Variants in HELZ2 observed in about 807,000 individuals in gnomAD.
HELZ2 encodes 3'-5' exoribonuclease HELZ2.
HELZ2 carries 143 observed loss-of-function variants against 208.8 expected under a neutral mutation model. That is an observed-to-expected ratio of 0.68 (90% CI 0.60 to 0.79). The LOEUF (loss-of-function observed/expected upper bound fraction) is 0.79. HELZ2 is among the 30% of genes least tolerant of loss of function. The pLI is 0.00. For missense variants in HELZ2, 3,690 were observed against 3,794.5 expected (o/e 0.97, Z 0.72); for synonymous variants, 1,705 against 1,693.7 (o/e 1.01, Z -0.16).
exon 1 of HELZ2, chr20:63,572,379 C>A: frequency 2.6e-6 from 4 of 1,532,440 alleles, no homozygotes; most frequent in Non-Finnish European, 3.5e-6. Context: ...GCCTCCCACA[C>A]AGCCATCTCC....
At chr20:63,560,065 G>A in exon 18 of HELZ2, 1 of 1,608,058 alleles carries the variant, frequency 6.2e-7, no homozygotes, top group South Asian at 1.1e-5. Flanking sequence ...GGTGCGGACG[G>A]TGCTCACCAG....
Position 63,561,291 on chromosome 20 carries a change from T to C in HELZ2, c.6954-17A>G, listed in dbSNP as rs769279354. ...TTCTTGTACCTGCCGGGGACACTGC[T>C]TGTCACCCCAGGGCCCCCATGCTGC... On this transcript the variant is annotated splice_polypyrimidine_tract_variant and intron_variant, in intron 13 of 18. Coordinates refer to ENST00000467148, the Ensembl canonical transcript of HELZ2. The C allele has an allele frequency of 6.8e-6, 11 of 1,612,386 alleles. No homozygotes were observed. The highest frequency in any genetic ancestry group is 9.3e-6 in the Non-Finnish European group (11 of 1,179,632).
downstream of HELZ2, chr20:63,558,667 T>C (rs1318511139): frequency 6.6e-6 from 1 of 152,280 alleles, no homozygotes; most frequent in African/African-American, 2.4e-5. Context: ...GCCTCCCAAG[T>C]AGCTGGGATT....
exon 8 of HELZ2, chr20:63,564,793 G>GTCC (rs2082931549): frequency 1.2e-6 from 2 of 1,610,142 alleles, no homozygotes; most frequent in Admixed American, 3.3e-5. Context: ...GGTCCACAGT[G>GTCC]AAGGTCAAGA....
exon 17 of HELZ2, chr20:63,560,177 T>C (rs1405360040): frequency 7.2e-7 from 1 of 1,395,682 alleles, no homozygotes; most frequent in South Asian, 1.2e-5. Flanking sequence ...TCACCCTGGC[T>C]CTTGGTGATG....
chr20:63,574,074 C>A (rs867248895), upstream of HELZ2: 3 of 144,452 alleles, frequency 2.1e-5, no homozygotes, highest in Non-Finnish European at 4.6e-5. Flanking sequence ...CTCCCGGACC[C>A]CCCCCTCCGC....
In HELZ2 at chr20:63,569,301, G is replaced by A. The variant is rs199657132; in HGVS notation, c.935C>T (p.Thr312Met). The change falls in exon 4 of 19, where the codon ACG becomes ATG. Residue 312 changes from threonine (T) to methionine (M), a missense_variant. Around this residue, in one of 3 missense-constraint regions of HELZ2, gnomAD observed 1,119 missense variants for 1,193.4 expected, o/e 0.94. Coordinates refer to ENST00000467148, the Ensembl canonical transcript of HELZ2. ...GCCCTTGTACTTGGCCATCAGGGCCGTCTGCTCGGCCGTCCGCTCCACGCC... is the reference window on the plus strand; with the variant it reads ...GCCCTTGTACTTGGCCATCAGGGCCATCTGCTCGGCCGTCCGCTCCACGCC... The A allele has an allele frequency of 3.2e-5, 51 of 1,575,882 alleles. 1 individual carries two copies. The Admixed American group carries it at 4.6e-4, about 14-fold the overall frequency.
At chr20:63,566,814 C>T (rs375114476) in intron 6 of HELZ2, 30 bp downstream of exon 7, 7 of 1,559,998 alleles carry the variant, frequency 4.5e-6, no homozygotes, top group Admixed American at 3.4e-5. Flanking sequence ...GGGGTGCGGT[C>T]GGGGGCTGTC....
In HELZ2 at chr20:63,560,161, C is replaced by T; in HGVS notation, c.7657+10G>A. On this transcript the variant is annotated intron_variant, in intron 17 of 18. Coordinates refer to ENST00000467148, the Ensembl canonical transcript of HELZ2. ...CCCTCCCGGCCCCACCCACGAGCCC[C>T]CAGCCTCACCCTGGCTCTTGGTGAT... is the stretch of plus-strand genomic sequence containing the variant. 1 of 1,552,052 alleles carries T rather than the reference C, an allele frequency of 6.4e-7. No homozygotes were observed. Among genetic ancestry groups the T allele is most frequent in the South Asian group, 1.2e-5 (1 of 85,276 alleles).
At chr20:63,571,003 C>A (rs2083011142) in intron 1 of HELZ2, 135 bp from the exon 3 acceptor site, 2 of 686,600 alleles carry the variant, frequency 2.9e-6, no homozygotes, top group East Asian at 5.5e-5. Flanking sequence ...CTCCTGTGCT[C>A]CCGGGACAAG....
chr20:63,567,913 A>C, intron 5 of HELZ2: 1 of 597,970 alleles, frequency 1.7e-6, no homozygotes, highest in Non-Finnish European at 2.9e-6. Flanking sequence ...CCCGGGACGT[A>C]TGGCCACTGT....
exon 8 of HELZ2, chr20:63,564,821 C>T (rs891024434): frequency 1.4e-5 from 23 of 1,610,174 alleles, no homozygotes; most frequent in Middle Eastern, 1.7e-4. Flanking sequence ...GCAGTCCTCT[C>T]GGCGGCCGGC....
exon 8 of HELZ2, chr20:63,562,652 G>T: frequency 1.9e-6 from 3 of 1,595,370 alleles, no homozygotes; most frequent in Non-Finnish European, 2.6e-6. Context: ...CTGCCGGTCT[G>T]CCCGGCGCTC....
In HELZ2 at chr20:63,565,221, C is replaced by G. The variant is rs145219009; in HGVS notation, c.3601G>C (p.Glu1201Gln). The G allele has an allele frequency of 3.1e-6, 5 of 1,608,074 alleles. No homozygotes were observed. The South Asian group carries it at 5.5e-5, about 18-fold the overall frequency. ...TCCATGCGGCACACAAACGCCAGCTCGTGCCTCTTCCTCTTCAGCACGCCC... is the reference window on the plus strand; with the variant it reads ...TCCATGCGGCACACAAACGCCAGCTGGTGCCTCTTCCTCTTCAGCACGCCC... Residue 1201 changes from glutamate (E) to glutamine (Q), a missense_variant, in exon 8 of 19, where the codon GAG becomes CAG. Coordinates refer to ENST00000467148, the Ensembl canonical transcript of HELZ2.
In HELZ2 at chr20:63,565,581, C is replaced by T. The variant is rs201304462; in HGVS notation, c.3241G>A (p.Glu1081Lys). Residue 1081 changes from glutamate to lysine, a missense_variant, in exon 8 of 19, where the codon GAG becomes AAG. Glu to Lys is a moderately conservative substitution (Grantham distance 56). Around this residue, in one of 3 missense-constraint regions of HELZ2, gnomAD observed 2,564 missense variants for 2,580.5 expected, o/e 0.99. Coordinates refer to ENST00000467148, the Ensembl canonical transcript of HELZ2. ...ACGGTCACCATCACCTTCTGGCTCTCGTCCAGAAGCTCCCGTAGGATGGCG... is the reference window on the plus strand; with the variant it reads ...ACGGTCACCATCACCTTCTGGCTCTTGTCCAGAAGCTCCCGTAGGATGGCG... 125 of 1,608,988 alleles carry T rather than the reference C, an allele frequency of 7.8e-5. 1 individual carries two copies. The highest frequency in any genetic ancestry group is 9.3e-5 in the African/African-American group (7 of 74,906).
intron 17 of HELZ2, 26 bp downstream of exon 18, chr20:63,560,145 C>A: frequency 6.5e-7 from 1 of 1,543,952 alleles, no homozygotes; most frequent in South Asian, 1.2e-5. Context: ...ACCCTCCCGG[C>A]CCCACCCACG....
chr20:63,562,963 C>T (rs765593639), exon 8 of HELZ2: 30 of 1,591,028 alleles, frequency 1.9e-5, no homozygotes, highest in African/African-American at 6.7e-5. Context: ...CGCCGGTGGC[C>T]GACTCCAGGG....
chr20:63,564,060 C>A lies in HELZ2; in HGVS notation c.4762G>T (p.Gly1588Trp), dbSNP rs148688872. 3.2e-5 allele frequency: 51 copies of A among 1,605,120 alleles called. No homozygotes were observed. The South Asian group carries it at 5.4e-4, about 17-fold the overall frequency. ...AGCCGCGTGTCGGGGGGACTGCCCC[C>A]GCCGCCGTGCAGGTGGTGGCCGAGG... The change falls in exon 8 of 19, where the codon GGG (glycine) becomes TGG (tryptophan). Residue 1588 changes from glycine (G) to tryptophan (W), a missense_variant. Coordinates refer to ENST00000467148, the Ensembl canonical transcript of HELZ2.
exon 8 of HELZ2, chr20:63,563,734 A>T: frequency 1.3e-6 from 2 of 1,596,514 alleles, no homozygotes; most frequent in Middle Eastern, 3.3e-4. Context: ...CAGAGTAGGC[A>T]GAGCCCCCAT....
Sources: gnomAD v4.1 joint callset for allele counts on GRCh38, gnomAD v4.1.1 for gene constraint, gnomAD v4.1.1 regional missense constraint, MANE v1.5 for transcripts, NCBI Gene and HGNC (gene_info 2026-07-23, HGNC 2026-07-21) for gene names.